The following KCNH4 variants were observed in gnomAD, a reference collection of about 807,000 sequenced individuals.
KCNH4 encodes potassium voltage-gated channel subfamily H member 4, also known as voltage-gated delayed rectifier potassium channel KCNH4.
KCNH4 carries 33 observed loss-of-function variants against 90.7 expected under a neutral mutation model. That is an observed-to-expected ratio of 0.36 (90% CI 0.28 to 0.49). KCNH4 has a LOEUF of 0.49. KCNH4 is among the 20% of genes least tolerant of loss of function. The pLI is 0.98. For synonymous variants in KCNH4, 551 were observed against 581.7 expected, an observed-to-expected ratio of 0.95 and a Z score of 0.76; for missense variants, 1,044 against 1,387.1, an observed-to-expected ratio of 0.75 and a Z score of 3.93.
chr17:42,178,661 T>C (rs2079879832), intron 2 of KCNH4, 132 bp downstream of exon 2: 2 of 1,120,354 alleles, frequency 1.8e-6, no homozygotes, highest in Non-Finnish European at 2.5e-6. Flanking sequence ...ACCAGAGAGG[T>C]CAGGGATACG....
chr17:42,176,881 C>CACCCAACTTGATTTTTACATTT (rs2079866033), intron 4 of KCNH4, among the ~76,000 whole-genome samples: 1 of 151,852 alleles, frequency 6.6e-6, no homozygotes, highest in African/African-American at 2.4e-5. Context: ...GCTTGACATT[C>CACCCAACTTGATTTTTACATTT]ACCCAACTTG....
At position 42,165,516 on chromosome 17, in the gene KCNH4, C is replaced by T. The variant is rs2079780871; in HGVS notation, c.2018G>A (p.Gly673Glu). 1.2e-6 allele frequency: 2 copies of T among 1,614,024 alleles called. No individual in the cohort carries two copies. Among genetic ancestry groups the T allele is most frequent in the African/African-American group, 1.3e-5 (1 of 74,918 alleles). Residue 673 changes from glycine to glutamate, a missense_variant, in exon 11 of 17, where the codon GGG becomes GAG. Gly to Glu is a moderately conservative substitution (Grantham distance 98). Coordinates refer to ENST00000264661, the MANE Select transcript of KCNH4 (RefSeq NM_012285.3). ...AEVLRLYPEY[G>E]AAFRAGLPRD... Reference sequence around the variant, plus strand: ...GGGCAGGCCAGCCCGGAAGGCAGCCCCATACTCAGGATAGAGCCTCAGGAC... The same window carrying T: ...GGGCAGGCCAGCCCGGAAGGCAGCCTCATACTCAGGATAGAGCCTCAGGAC...
At position 42,160,245 on chromosome 17, in the gene KCNH4, T is replaced by C. The variant is rs555827863; in HGVS notation, c.2849A>G (p.Asp950Gly). The C allele has an allele frequency of 1.2e-6, 2 of 1,614,106 alleles. No individual in the cohort carries two copies. Among genetic ancestry groups the C allele is most frequent in the Non-Finnish European group, 1.7e-6 (2 of 1,179,980 alleles). Residue 950 changes from aspartate (D) to glycine (G), a missense_variant, in exon 16 of 17, where the codon GAT becomes GGT. Around this residue, in one of 4 missense-constraint regions of KCNH4, gnomAD observed 441 missense variants for 512.3 expected, o/e 0.86. Coordinates refer to ENST00000264661, the MANE Select transcript of KCNH4 (RefSeq NM_012285.3). ...CASRPPPSLQ[D>G]TTLAEVHCPA... ...GCAGTGAACTTCAGCAAGCGTAGTATCCTGGAGGCTGGGTGGTGGTCTGGA... is the reference window on the plus strand; with the variant it reads ...GCAGTGAACTTCAGCAAGCGTAGTACCCTGGAGGCTGGGTGGTGGTCTGGA...
At position 42,177,058 on chromosome 17, in the gene KCNH4, AT is replaced by A. The variant is rs961820416; in HGVS notation, c.586-762del. Reference sequence around the variant, plus strand: ...AGGCATGCACCACCATAGCCAGATAATTTTTTTTTTTTGAGAGTTTCACTCT... The same window carrying A: ...AGGCATGCACCACCATAGCCAGATAATTTTTTTTTTTGAGAGTTTCACTCT... On this transcript the variant is annotated intron_variant, in intron 4 of 16. Transcript: ENST00000264661. Among the ~76,000 whole-genome samples, 79 of 145,990 alleles carry A rather than the reference AT, an allele frequency of 5.4e-4. 1 individual carries two copies. Among genetic ancestry groups the A allele is most frequent in the Non-Finnish European group, 6.5e-4 (43 of 65,870 alleles).
chr17:42,163,969 AG>A lies in KCNH4; in HGVS notation c.2125-12del, dbSNP rs1390189673. 2.0e-6 allele frequency: 3 copies of A among 1,526,350 alleles called. No homozygotes were observed. The highest frequency in any genetic ancestry group is 2.6e-6 in the Non-Finnish European group (3 of 1,136,782). 94.6% of individuals were successfully genotyped at this position (1,526,350 alleles called of 1,614,324 possible). ...GCTTTCTGAGCGGGGCTGCGGGCAG[AG>A]GGGGCAGCTGATGTCGCAGGACAGT... On this transcript the variant is annotated splice_polypyrimidine_tract_variant and intron_variant, in intron 12 of 16. Transcript: ENST00000264661. The surrounding 1 kb of genome is among the most constrained non-coding windows in gnomAD (Gnocchi z 5.4).
At chr17:42,161,942 A>G (rs112763221) in intron 15 of KCNH4, among the ~76,000 whole-genome samples, 1 of 149,962 alleles carries the variant, frequency 6.7e-6, no homozygotes, top group African/African-American at 2.5e-5. Flanking sequence ...GCTAGCGTGA[A>G]TATCTCTCTC....
rs2079713912 is a variant in KCNH4, at chr17:42,156,930, C to T, written c.*498G>A. 1.3e-5 allele frequency: 2 copies of T among 152,370 alleles called. No individual in the cohort carries two copies. The highest frequency in any genetic ancestry group is 4.2e-4 in the South Asian group (2 of 4,816). 9.4% of individuals were successfully genotyped at this position (152,370 alleles called of 1,614,324 possible). On this transcript the variant is annotated 3_prime_UTR_variant, in exon 17 of 17. Coordinates refer to ENST00000264661, the MANE Select transcript of KCNH4 (RefSeq NM_012285.3). ...GTTTATTTCCTATCCAAAAGTGAGC[C>T]CAGGGTGTTGGGTGGTAGAGGAGAG...
intron 7 of KCNH4, among the ~76,000 whole-genome samples, chr17:42,171,273 C>T (rs539094029): frequency 1.3e-5 from 2 of 151,964 alleles, no homozygotes; most frequent in Non-Finnish European, 2.9e-5. Flanking sequence ...GAGAAAAGGT[C>T]AAATTCACGG....
chr17:42,163,183 A>C lies in KCNH4; in HGVS notation c.2584+45T>G. ...ACATATGGGATGGATGGACAGGTGG[A>C]TGGGCAGATGGATGACGGGGTTGAA... is the stretch of plus-strand genomic sequence containing the variant. On this transcript the variant is annotated intron_variant, in intron 14 of 16. Coordinates refer to ENST00000264661, the MANE Select transcript of KCNH4 (RefSeq NM_012285.3). The surrounding 1 kb of genome is among the most constrained non-coding windows in gnomAD (Gnocchi z 5.4). 1 of 1,293,538 alleles carries C rather than the reference A, an allele frequency of 7.7e-7. No homozygotes were observed. Among genetic ancestry groups the C allele is most frequent in the Non-Finnish European group, 1.1e-6 (1 of 887,888 alleles). 80.1% of individuals were successfully genotyped at this position (1,293,538 alleles called of 1,614,324 possible). A position where few individuals can be genotyped will look rare whatever the true frequency, so the allele number is the denominator to read the frequency against.
At position 42,180,335 on chromosome 17, in the gene KCNH4, G is replaced by A. The variant is rs1387177716; in HGVS notation, c.76+535C>T. Reference sequence around the variant, plus strand: ...ACCCAAGCTACGTTGGGCGAGCTGGGAGTTCCCACCGTCGCACAGACCGCT... The same window carrying A: ...ACCCAAGCTACGTTGGGCGAGCTGGAAGTTCCCACCGTCGCACAGACCGCT... On this transcript the variant is annotated intron_variant, in intron 1 of 16. Transcript: ENST00000264661. This position sits in a 1 kb window ranked among gnomAD's most constrained non-coding sequence, Gnocchi z 4.7. Among the ~76,000 whole-genome samples the A allele has an allele frequency of 6.6e-6, 1 of 152,098 alleles. No homozygotes were observed. The highest frequency in any genetic ancestry group is 1.5e-5 in the Non-Finnish European group (1 of 68,012).
In KCNH4 at chr17:42,162,297, G is replaced by C; in HGVS notation, c.2609C>G (p.Ala870Gly). The C allele has an allele frequency of 6.2e-7, 1 of 1,613,988 alleles. No individual in the cohort carries two copies. The highest frequency in any genetic ancestry group is 8.5e-7 in the Non-Finnish European group (1 of 1,179,956). Residue 870 changes from alanine to glycine, a missense_variant, in exon 15 of 17, where the codon GCC becomes GGC. This residue lies in a region of KCNH4 where 441 missense variants were observed against 512.3 expected (regional missense o/e 0.86). Transcript: ENST00000264661. ...TTCCTTCACCTCCTCAGCCTCACTG[G>C]CCAATTCTGGGCTGGGCCTGGTCCC... Reference protein sequence around the residue: ...PTGTRPSPELASEAEEVKEKV... With the variant: ...PTGTRPSPELGSEAEEVKEKV...
chr17:42,180,818 G>A lies in KCNH4; in HGVS notation c.76+52C>T, dbSNP rs2079896302. 3.8e-6 allele frequency: 6 copies of A among 1,561,458 alleles called. No individual in the cohort carries two copies. The East Asian group carries it at 1.1e-4, about 29-fold the overall frequency. ...TCCAGGAGATCCGAGACGGCCCCGA[G>A]GATACTTGCCCCCCAGCTCGAACCT... On this transcript the variant is annotated intron_variant, in intron 1 of 16. Coordinates refer to ENST00000264661, the MANE Select transcript of KCNH4 (RefSeq NM_012285.3). The surrounding 1 kb of genome is among the most constrained non-coding windows in gnomAD (Gnocchi z 4.7).
intron 9 of KCNH4, among the ~76,000 whole-genome samples, chr17:42,168,399 A>G (rs1414434355): frequency 6.6e-6 from 1 of 152,206 alleles, no homozygotes; most frequent in Non-Finnish European, 1.5e-5. Flanking sequence ...TAATCCCAGC[A>G]AATTGGGAGG....
At chr17:42,158,884 A>AT (rs1457985640) in intron 16 of KCNH4, among the ~76,000 whole-genome samples, 1 of 151,768 alleles carries the variant, frequency 6.6e-6, no homozygotes, top group African/African-American at 2.4e-5. Context: ...GGGTCTCGCT[A>AT]TGTTGCTCAG....
At position 42,178,102 on chromosome 17, in the gene KCNH4, T is replaced by G. The variant is rs2144142937; in HGVS notation, c.583A>C (p.Asn195His). ...RRGQGGMKAN[N>H]NVFEPKPSVP... ...GTTGGGTTGGGGGTGGGACTCACAT[T>G]ATTGGCCTTCATGCCTCCCTGGCCC... Residue 195 changes from asparagine (N) to histidine (H), a missense_variant and splice_region_variant, in exon 4 of 17, where the codon AAT (asparagine) becomes CAT (histidine). Asn to His is a moderately conservative substitution (Grantham distance 68). Transcript: ENST00000264661. The G allele has an allele frequency of 6.2e-7, 1 of 1,613,702 alleles. No homozygotes were observed. Among genetic ancestry groups the G allele is most frequent in the Admixed American group, 1.7e-5 (1 of 59,980 alleles).
Position 42,166,957 on chromosome 17 carries a change from C to T in KCNH4, c.1591-411G>A, listed in dbSNP as rs2079792517. Among the ~76,000 whole-genome samples the T allele has an allele frequency of 2.0e-5, 3 of 152,188 alleles. 1 individual carries two copies. The South Asian group carries it at 6.2e-4, about 32-fold the overall frequency. ...AGTCTGTATCTCAGTCTGTAAAATGCAGAGTTGTTATTAGACCATGGGCAC... is the reference window on the plus strand; with the variant it reads ...AGTCTGTATCTCAGTCTGTAAAATGTAGAGTTGTTATTAGACCATGGGCAC... On this transcript the variant is annotated intron_variant, in intron 9 of 16. Coordinates refer to ENST00000264661, the MANE Select transcript of KCNH4 (RefSeq NM_012285.3).
At position 42,163,276 on chromosome 17, in the gene KCNH4, T is replaced by C. The variant is rs2079761454; in HGVS notation, c.2536A>G (p.Ser846Gly). 6.2e-7 allele frequency: 1 copy of C among 1,614,098 alleles called. No individual in the cohort carries two copies. Among genetic ancestry groups the C allele is most frequent in the Non-Finnish European group, 8.5e-7 (1 of 1,180,018 alleles). Residue 846 changes from serine to glycine, a missense_variant, in exon 14 of 17, where the codon AGC (serine) becomes GGC (glycine). Coordinates refer to ENST00000264661, the MANE Select transcript of KCNH4 (RefSeq NM_012285.3). The surrounding 1 kb of genome is among the most constrained non-coding windows in gnomAD (Gnocchi z 5.4). Reference protein sequence around the residue: ...STAEAPSFRFSRRPELPRPRS... With the variant: ...STAEAPSFRFGRRPELPRPRS... ...GGCCTTGGCAGTTCAGGCCTCCTGC[T>C]GAATCGGAATGAAGGGGCCTCAGCT...
intron 3 of KCNH4, 31 bp downstream of exon 3, chr17:42,178,300 A>G (rs199890335): frequency 1.1e-5 from 18 of 1,614,152 alleles, no homozygotes; most frequent in Non-Finnish European, 1.4e-5. Flanking sequence ...GCTTCTGACC[A>G]TTCACACTGC....
intron 7 of KCNH4, 97 bp from the exon 8 acceptor site, chr17:42,170,398 T>C (rs1485018741): frequency 1.9e-6 from 2 of 1,040,648 alleles, no homozygotes; most frequent in South Asian, 3.4e-5. Flanking sequence ...CAAGTATTTA[T>C]ACACAGGTTG....
Sources: gnomAD v4.1 joint callset for allele counts (sites outside exome capture counted in the v4.1 genomes callset) on GRCh38, gnomAD v4.1.1 for gene constraint, gnomAD v4.1.1 regional missense constraint, Gnocchi (gnomAD v3.1) non-coding constraint, MANE v1.5 for transcripts, NCBI Gene and HGNC (gene_info 2026-07-23, HGNC 2026-07-21) for gene names.